The following PON1 variants were observed in gnomAD, a reference collection of about 807,000 sequenced individuals.
PON1 encodes the protein serum paraoxonase/arylesterase 1.
In PON1, 37 loss-of-function variants were observed where a neutral mutation model predicts 39.2. That is an observed-to-expected ratio of 0.94 (90% CI 0.73 to 1.24). The LOEUF is 1.24. Among genes scored for constraint, PON1 ranks in the 50% most tolerant of loss-of-function variants. The pLI, the probability that PON1 is intolerant of heterozygous loss-of-function variation, is 0.00. For synonymous variants in PON1, 148 were observed against 152.2 expected, an observed-to-expected ratio of 0.97 and a Z score of 0.21; for missense variants, 397 against 413.5, an observed-to-expected ratio of 0.96 and a Z score of 0.35.
At chr7:95,310,897 G>C (rs1032211931) in intron 5 of PON1, among the ~76,000 whole-genome samples, 7 of 152,282 alleles carry the variant, frequency 4.6e-5, no homozygotes, top group African/African-American at 1.7e-4. Context: ...GGAGATTCTT[G>C]AGTGTTTTAT....
rs1807344891 is a variant in PON1 at position 95,298,675 on chromosome 7, A to T, written c.*269T>A. The T allele has an allele frequency of 9.6e-6, 5 of 518,720 alleles. No individual in the cohort carries two copies. The East Asian group carries it at 1.8e-4, about 19-fold the overall frequency. The allele number at this position is 518,720 out of a possible 1,614,324, so 32.1% of individuals were successfully genotyped here. A position where few individuals can be genotyped will look rare whatever the true frequency, so the allele number is the denominator to read the frequency against. ...CACACACTGTTATTTAATATCTGAC[A>T]ATTGACATAACTGATTTATCCATTT... On this transcript the variant is annotated 3_prime_UTR_variant, in exon 9 of 9. Transcript: ENST00000222381.
In PON1 at chr7:95,316,727, C is replaced by T; in HGVS notation, c.201+7G>A. The T allele has an allele frequency of 1.2e-6, 2 of 1,611,714 alleles. No homozygotes were observed. The highest frequency in any genetic ancestry group is 1.7e-6 in the Non-Finnish European group (2 of 1,177,902). On this transcript the variant is annotated splice_region_variant and intron_variant, in intron 3 of 8. Coordinates refer to ENST00000222381, the MANE Select transcript of PON1 (RefSeq NM_000446.7). Reference sequence around the variant, plus strand: ...TAGAACACAGAAAAGTGAAAGAAAACACTCACAGAGCTAATGAAAGCCAGT... The same window carrying T: ...TAGAACACAGAAAAGTGAAAGAAAATACTCACAGAGCTAATGAAAGCCAGT...
chr7:95,312,299 T>C (rs1253035393), intron 4 of PON1, among the ~76,000 whole-genome samples: 5 of 152,188 alleles, frequency 3.3e-5, no homozygotes, highest in African/African-American at 1.2e-4. Context: ...GTTCAAGCGA[T>C]TCTCCTGCCT....
rs536539009 is a variant in PON1, at chr7:95,324,112, C to T, written c.74+290G>A. Among the ~76,000 whole-genome samples the T allele has an allele frequency of 5.5e-4, 84 of 152,316 alleles. 1 individual carries two copies. Among genetic ancestry groups the T allele is most frequent in the African/African-American group, 1.9e-3 (77 of 41,576 alleles). On this transcript the variant is annotated intron_variant, in intron 1 of 8. Coordinates refer to ENST00000222381, the MANE Select transcript of PON1 (RefSeq NM_000446.7). ...TCCAGGTTGAGAAGTGAATCTGTAG[C>T]CAGGGCACACAAATCTTCATGAAAA...
intron 1 of PON1, among the ~76,000 whole-genome samples, chr7:95,322,324 ATATGTATGTG>A: frequency 1.8e-5 from 1 of 56,636 alleles, no homozygotes; most frequent in African/African-American, 5.8e-5. Context: ...AAATATAAAT[ATATGTATGTG>A]TGTGTGTGTG....
At chr7:95,306,526 T>G (rs1807545200) in intron 6 of PON1, among the ~76,000 whole-genome samples, 160 bp from the exon 7 acceptor site, 1 of 152,214 alleles carries the variant, frequency 6.6e-6, no homozygotes, top group African/African-American at 2.4e-5. Context: ...TCAGTGAGTT[T>G]ACAGTGACAG....
At chr7:95,313,589 AAAG>A (rs1807700541) in intron 4 of PON1, among the ~76,000 whole-genome samples, 4 of 150,882 alleles carry the variant, frequency 2.7e-5, no homozygotes, top group African/African-American at 9.8e-5. Context: ...GGATGAGTGG[AAAG>A]TCCATTGAAA....
chr7:95,300,042 C>G (rs1807387337), intron 8 of PON1, among the ~76,000 whole-genome samples: 1 of 152,198 alleles, frequency 6.6e-6, no homozygotes, highest in Admixed American at 6.5e-5. Flanking sequence ...GTGTTCTGAA[C>G]TTAACCTCCT....
chr7:95,300,269 A>C (rs751924400), intron 8 of PON1, among the ~76,000 whole-genome samples: 5 of 152,196 alleles, frequency 3.3e-5, no homozygotes, highest in Non-Finnish European at 7.3e-5. Flanking sequence ...CATGTCTTGG[A>C]TCTTCCACTC....
At chr7:95,308,288 A>G in intron 5 of PON1, 77 bp from the exon 6 acceptor site, 2 of 1,352,886 alleles carry the variant, frequency 1.5e-6, no homozygotes, top group Non-Finnish European at 2.1e-6. Context: ...GGCATTCCTC[A>G]CTGTCTATTC....
At chr7:95,308,360 A>AATT in intron 5 of PON1, 149 bp from the exon 6 acceptor site, 1 of 749,816 alleles carries the variant, frequency 1.3e-6, no homozygotes, top group Non-Finnish European at 2.3e-6. Context: ...ATTAATATGA[A>AATT]ATTAGTCCTG....
chr7:95,317,259 G>T (rs705378), intron 2 of PON1, among the ~76,000 whole-genome samples: 43,626 of 151,986 alleles, frequency 0.29, 7,012 homozygotes, highest in Middle Eastern at 0.43. Flanking sequence ...TACATTTTAG[G>T]TGATCAAGAA....
rs1563597857 is a variant in PON1 at position 95,311,548 on chromosome 7, G to C, written c.400C>G (p.His134Asp). Residue 134 changes from histidine (H) to aspartate (D), a missense_variant, in exon 5 of 9, where the codon CAT becomes GAT. His to Asp is a moderately conservative substitution (Grantham distance 81). Coordinates refer to ENST00000222381, the MANE Select transcript of PON1 (RefSeq NM_000446.7). Reference protein sequence around the residue: ...DNAMYLLVVNHPDAKSTVELF... With the variant: ...DNAMYLLVVNDPDAKSTVELF... The stretch of plus-strand genomic sequence containing the variant: ...TCCACTGTGGACTTGGCATCTGGAT[G>C]GTTCACCACCAGGAGGTACATGGCA... 1 of 1,613,876 alleles carries C rather than the reference G, an allele frequency of 6.2e-7. No individual in the cohort carries two copies. Among genetic ancestry groups the C allele is most frequent in the African/African-American group, 1.3e-5 (1 of 74,904 alleles).
At chr7:95,321,567 AAT>A (rs1428326161) in intron 1 of PON1, among the ~76,000 whole-genome samples, 1 of 152,206 alleles carries the variant, frequency 6.6e-6, no homozygotes, top group African/African-American at 2.4e-5. Flanking sequence ...GAAAAAGATG[AAT>A]ATTTACCCTG....
chr7:95,318,243 T>A, intron 2 of PON1, 80 bp downstream of exon 2: 1 of 1,163,420 alleles, frequency 8.6e-7, no homozygotes, highest in East Asian at 2.4e-5. Flanking sequence ...TGGACAGAAT[T>A]GAACAGGCAC....
intron 2 of PON1, among the ~76,000 whole-genome samples, chr7:95,317,212 T>C (rs1173784866): frequency 6.6e-6 from 1 of 152,180 alleles, no homozygotes; most frequent in African/African-American, 2.4e-5. Context: ...ATATTGAAGA[T>C]ATAAGCAAAT....
chr7:95,313,622 G>A (rs7806699), intron 4 of PON1, among the ~76,000 whole-genome samples: 991 of 33,508 alleles, frequency 0.03, 3 homozygotes, highest in East Asian at 0.048. Context: ...ATGTATATGT[G>A]TGTGTGTGTG....
At chr7:95,315,659 G>C (rs1807752147) in intron 3 of PON1, among the ~76,000 whole-genome samples, 169 bp from the exon 4 acceptor site, 1 of 152,154 alleles carries the variant, frequency 6.6e-6, no homozygotes, top group Admixed American at 6.5e-5. Context: ...CCCAGGAGAA[G>C]TCTTCTGGAA....
chr7:95,304,838 A>G (rs538686080), intron 7 of PON1, among the ~76,000 whole-genome samples: 2 of 152,270 alleles, frequency 1.3e-5, no homozygotes, highest in South Asian at 4.1e-4. Flanking sequence ...GGTTTTCATG[A>G]TGGGAGACAG....
Sources: gnomAD v4.1 joint callset for allele counts (sites outside exome capture counted in the v4.1 genomes callset) on GRCh38, gnomAD v4.1.1 for gene constraint, MANE v1.5 for transcripts, NCBI Gene and HGNC (gene_info 2026-07-23, HGNC 2026-07-21) for gene names.